SYNE4: variants seen among roughly 807,000 people sequenced by gnomAD.
SYNE4 encodes spectrin repeat containing nuclear envelope family member 4.
Under a neutral mutation model 46.9 loss-of-function variants are expected in SYNE4, and 41 were observed. The observed-to-expected ratio is 0.87, with a 90% confidence interval of 0.68 to 1.13. The LOEUF is 1.13. SYNE4 is among the 50% of genes most tolerant of loss of function. The pLI, the probability that SYNE4 is intolerant of heterozygous loss-of-function variation, is 0.00. For missense variants in SYNE4, 492 were observed against 514.8 expected (o/e 0.96, Z 0.43); for synonymous variants, 221 against 219.5 (o/e 1.01, Z -0.06).
At chr19:36,005,077 A>G (rs1976802658) in intron 6 of SYNE4, among the ~76,000 whole-genome samples, 2 of 151,794 alleles carry the variant, frequency 1.3e-5, no homozygotes, top group African/African-American at 4.8e-5. Context: ...CATTTTGGCC[A>G]GGCTGGTCTC....
Position 36,006,901 on chromosome 19 carries a change from G to T in SYNE4, c.467C>A (p.Ala156Glu). 6.4e-7 allele frequency: 1 copy of T among 1,556,156 alleles called. No individual in the cohort carries two copies. The highest frequency in any genetic ancestry group is 1.2e-5 in the South Asian group (1 of 84,484). Residue 156 changes from alanine (A) to glutamate (E), a missense_variant, in exon 4 of 8, where the codon GCG (alanine) becomes GAG (glutamate). Transcript: ENST00000324444. ...DLRGAAERVE[A>E]LLAFGEGLAQ... is the part of the protein sequence containing the mutation. ...CAGCCCCTCACCAAACGCTAGCAGC[G>T]CCTCCACACGCTCAGCTGCCCCTCG...
rs1219703066 is a variant in SYNE4 at position 36,008,604 on chromosome 19, C to T, written c.78G>A (p.Ala26=). 17 of 1,613,936 alleles carry T rather than the reference C, an allele frequency of 1.1e-5. No homozygotes were observed. The highest frequency in any genetic ancestry group is 2.7e-5 in the African/African-American group (2 of 74,928). Residue 26 remains alanine (A), a synonymous_variant, in exon 1 of 8, where the codon GCG becomes GCA. Transcript: ENST00000324444. ...GGCAGACGGTGCATCCAACAATGTC[C>T]GCCTCTCTAGGTGCTCCCGGTGGGT... ...LNHPPGAPRE[A]DIVGCTVCPA... is the part of the protein sequence containing the mutation.
At chr19:36,008,518 C>G (rs368026319) in intron 1 of SYNE4, 36 bp downstream of exon 1, 3 of 1,612,674 alleles carry the variant, frequency 1.9e-6, no homozygotes, top group Admixed American at 1.7e-5. Context: ...CACGCCTACC[C>G]TTTTGGGAAC....
In SYNE4 at chr19:36,007,142, C is replaced by A; in HGVS notation, c.406G>T (p.Gly136Trp). 1 of 1,597,640 alleles carries A rather than the reference C, an allele frequency of 6.3e-7. No individual in the cohort carries two copies. Among genetic ancestry groups the A allele is most frequent in the East Asian group, 2.3e-5 (1 of 43,914 alleles). The change falls in exon 3 of 8, where the codon GGG becomes TGG. Residue 136 changes from glycine to tryptophan, a missense_variant. Gly to Trp is a radical substitution (Grantham distance 184, BLOSUM62 -2). Coordinates refer to ENST00000324444, the MANE Select transcript of SYNE4 (RefSeq NM_001039876.3). ...CTGCCTACCTGCAGCTGCACCATCC[C>A]ACTCTGGGCCAATGCCCAGTGCCCC... Reference protein sequence around the residue: ...GLGHWALAQSGMVQLQALQVD... With the variant: ...GLGHWALAQSWMVQLQALQVD...
At chr19:36,008,042 G>T (rs1335167061) in intron 2 of SYNE4, among the ~76,000 whole-genome samples, 175 bp downstream of exon 2, 2 of 151,660 alleles carry the variant, frequency 1.3e-5, no homozygotes, top group East Asian at 1.9e-4. Context: ...AAGAAAGAAA[G>T]AAATACGTCT....
Position 36,008,386 on chromosome 19 carries a change from T to A in SYNE4, c.129-19A>T, listed in dbSNP as rs780846191. The A allele has an allele frequency of 1.3e-6, 2 of 1,556,788 alleles. No homozygotes were observed. Among genetic ancestry groups the A allele is most frequent in the Admixed American group, 1.8e-5 (1 of 55,346 alleles). The stretch of plus-strand genomic sequence containing the variant: ...CTCTGGGCTAGGAGGCAGGGGGCGG[T>A]GACTGGGTGAGTCTCGACACCTCAC... On this transcript the variant is annotated intron_variant, in intron 1 of 7. Transcript: ENST00000324444.
At position 36,008,777 on chromosome 19, in the gene SYNE4, C is replaced by T. The variant is rs1440639052; in HGVS notation, c.-96G>A. 7.5e-6 allele frequency: 11 copies of T among 1,464,212 alleles called. No homozygotes were observed. The highest frequency in any genetic ancestry group is 9.0e-6 in the Non-Finnish European group (10 of 1,108,512). The allele number at this position is 1,464,212 out of a possible 1,614,324, so 90.7% of individuals were successfully genotyped here. On this transcript the variant is annotated 5_prime_UTR_variant, in exon 1 of 8. Coordinates refer to ENST00000324444, the MANE Select transcript of SYNE4 (RefSeq NM_001039876.3). The stretch of plus-strand genomic sequence containing the variant: ...CCAGAGCTCCTCCGCTGGAGTCACC[C>T]GGGCCTGAGGCTGCAGGAGAGGCCC...
intron 7 of SYNE4, 30 bp from the exon 8 acceptor site, chr19:36,003,550 C>T (rs772794903): frequency 5.6e-6 from 9 of 1,599,376 alleles, no homozygotes; most frequent in Non-Finnish European, 7.7e-6. Flanking sequence ...GTTAAACATA[C>T]AGGTGGGCTG....
chr19:36,006,260 G>A (rs917387822), intron 5 of SYNE4, 163 bp downstream of exon 5: 20 of 1,002,176 alleles, frequency 2.0e-5, no homozygotes, highest in South Asian at 4.2e-5. Context: ...AGAGACAGAC[G>A]AGAGAGAGAA....
In SYNE4 at chr19:36,006,591, C is replaced by T. The variant is rs200484521; in HGVS notation, c.699G>A (p.Trp233Ter). ...DSDWPGPGGV[W>*]GPWAPSSLPT... is the part of the protein sequence containing the mutation. ...GGAGGCTACTGGGTGCCCAGGGCCC[C>T]CAGACCCCACCAGGTCCTGGCCAGT... Residue 233 changes from tryptophan to a stop codon, truncating the protein, a stop_gained, in exon 5 of 8, where the codon TGG (tryptophan) becomes TGA (stop). Coordinates refer to ENST00000324444, the MANE Select transcript of SYNE4 (RefSeq NM_001039876.3). LOFTEE classifies it high-confidence loss of function. 7.9e-4 allele frequency: 1,266 copies of T among 1,607,538 alleles called. No homozygotes were observed. The highest frequency in any genetic ancestry group is 1.0e-3 in the Non-Finnish European group (1,193 of 1,177,120).
intron 6 of SYNE4, 121 bp downstream of exon 6, chr19:36,005,212 C>T (rs1568530571): frequency 4.7e-6 from 5 of 1,061,380 alleles, no homozygotes; most frequent in Non-Finnish European, 6.9e-6. Context: ...AGTGCCTGGA[C>T]CTTTCCATTA....
At chr19:36,007,490 T>C (rs1968402228) in intron 2 of SYNE4, 2 of 985,300 alleles carry the variant, frequency 2.0e-6, no homozygotes, top group Non-Finnish European at 2.4e-6. Flanking sequence ...TCAAAGCTCC[T>C]GGAAACTTGG....
In SYNE4 at chr19:36,003,454, G is replaced by A. The variant is rs1251911212; in HGVS notation, c.1098C>T (p.Leu366=). 1.9e-6 allele frequency: 3 copies of A among 1,610,188 alleles called. No individual in the cohort carries two copies. Among genetic ancestry groups the A allele is most frequent in the Non-Finnish European group, 1.7e-6 (2 of 1,178,186 alleles). ...GCAGGAGAAACATGGCACCCACCAG[G>A]AGGAGGAAGAGGAGGAAGAGGATAA... The part of the protein sequence containing the change: ...FLLILFLLFL[L]LVGAMFLLPA... Residue 366 remains leucine, a synonymous_variant, in exon 8 of 8, where the codon CTC becomes CTT. Coordinates refer to ENST00000324444, the MANE Select transcript of SYNE4 (RefSeq NM_001039876.3).
At chr19:36,005,483 G>A (rs745499852) in intron 5 of SYNE4, 46 bp from the exon 6 acceptor site, 19 of 1,569,652 alleles carry the variant, frequency 1.2e-5, no homozygotes, top group Non-Finnish European at 1.5e-5. Context: ...GGAGGGCCAG[G>A]ATAGGGATGT....
At chr19:36,007,662 A>C (rs1396456766) in intron 2 of SYNE4, 31 of 938,424 alleles carry the variant, frequency 3.3e-5, no homozygotes, top group Non-Finnish European at 3.8e-5. Context: ...GGATCACTTG[A>C]GCCCAGGAGT....
rs757593377 is a variant in SYNE4 at position 36,006,599 on chromosome 19, C to T, written c.691G>A (p.Gly231Arg). ...CTGGGTGCCCAGGGCCCCCAGACCC[C>T]ACCAGGTCCTGGCCAGTCCGAGTCT... The part of the protein sequence containing the change: ...EGDSDWPGPG[G>R]VWGPWAPSSL... The change falls in exon 5 of 8, where the codon GGG (glycine) becomes AGG (arginine). Residue 231 changes from glycine (G) to arginine (R), a missense_variant. By Grantham distance (125) the Gly-to-Arg change is moderately radical. Transcript: ENST00000324444. 8.7e-6 allele frequency: 14 copies of T among 1,609,196 alleles called. No homozygotes were observed. The African/African-American group carries it at 1.1e-4, about 12-fold the overall frequency.
chr19:36,008,520 T>C, intron 1 of SYNE4, 34 bp downstream of exon 1: 3 of 1,612,648 alleles, frequency 1.9e-6, no homozygotes, highest in Non-Finnish European at 2.5e-6. Context: ...CGCCTACCCT[T>C]TTGGGAACAA....
chr19:36,003,394 T>A lies in SYNE4; in HGVS notation c.1158A>T (p.Arg386=). The part of the protein sequence containing the change: ...ASGGPCCSHA[R]IPRTPYLVLS... ...GCACCAGGTAGGGTGTCCTGGGTAT[T>A]CGGGCATGAGAGCAGCAGGGGCCTC... The change falls in exon 8 of 8, where the codon CGA becomes CGT. Residue 386 remains arginine (R), a synonymous_variant. Coordinates refer to ENST00000324444, the MANE Select transcript of SYNE4 (RefSeq NM_001039876.3). 6.2e-7 allele frequency: 1 copy of A among 1,614,012 alleles called. No individual in the cohort carries two copies. Among genetic ancestry groups the A allele is most frequent in the Non-Finnish European group, 8.5e-7 (1 of 1,179,994 alleles).
chr19:36,005,743 G>C, intron 5 of SYNE4: 1 of 283,458 alleles, frequency 3.5e-6, no homozygotes, highest in South Asian at 4.3e-5. Context: ...ATGAGGCCTG[G>C]TACAGTGGCT....
Sources: allele counts gnomAD v4.1 joint callset (sites outside exome capture counted in the v4.1 genomes callset), GRCh38; gene constraint gnomAD v4.1.1; transcripts MANE v1.5; gene names NCBI Gene and HGNC (gene_info 2026-07-23, HGNC 2026-07-21).